The following RBL1 variants were observed in gnomAD, a reference collection of about 807,000 sequenced individuals.
RBL1 encodes RB transcriptional corepressor like 1, also known as retinoblastoma-like protein 1.
Under a neutral mutation model 123.0 loss-of-function variants are expected in RBL1, and 82 were observed. That is an observed-to-expected ratio of 0.67 (90% CI 0.56 to 0.80). RBL1 has a LOEUF of 0.80. Among genes scored for constraint, RBL1 ranks in the 30% least tolerant of loss-of-function variants. The probability of loss-of-function intolerance (pLI) is 0.00; values close to 1 mark genes in which losing one functional copy is unlikely to be tolerated. For synonymous variants in RBL1, 405 were observed against 441.3 expected (o/e 0.92, Z 1.03); for missense variants, 1,171 against 1,299.6 (o/e 0.90, Z 1.52).
At chr20:37,068,653 T>C (rs1030038299) in intron 2 of RBL1, among the ~76,000 whole-genome samples, 2 of 152,200 alleles carry the variant, frequency 1.3e-5, no homozygotes, top group Admixed American at 6.5e-5. Flanking sequence ...AGCACCTATC[T>C]ACTTCCTTTA....
At chr20:37,072,182 T>C (rs1434426631) in intron 2 of RBL1, among the ~76,000 whole-genome samples, 6 of 152,130 alleles carry the variant, frequency 3.9e-5, no homozygotes, top group Admixed American at 3.9e-4. Flanking sequence ...AAAATTTTGT[T>C]TTTTGGCCGG....
chr20:37,053,440 G>A (rs1364692109), intron 11 of RBL1, among the ~76,000 whole-genome samples: 1 of 152,186 alleles, frequency 6.6e-6, no homozygotes, highest in African/African-American at 2.4e-5. Context: ...AAGTGTGGGT[G>A]TGTGTGTGTC....
At chr20:37,044,630 C>T (rs576287875) in intron 12 of RBL1, among the ~76,000 whole-genome samples, 3 of 152,258 alleles carry the variant, frequency 2.0e-5, no homozygotes, top group South Asian at 2.1e-4. Context: ...TGAGCCACTG[C>T]GCCCGGCCAC....
chr20:37,065,634 A>T (rs967196415), intron 6 of RBL1, among the ~76,000 whole-genome samples, 161 bp from the exon 7 acceptor site: 3 of 151,382 alleles, frequency 2.0e-5, no homozygotes, highest in African/African-American at 7.2e-5. Flanking sequence ...GCATGCAAAT[A>T]ACTTTTTTTT....
At chr20:37,065,585 A>G (rs1479229893) in intron 6 of RBL1, 112 bp from the exon 7 acceptor site, 13 of 633,776 alleles carry the variant, frequency 2.1e-5, no homozygotes, top group Non-Finnish European at 3.1e-5. Context: ...ACAAAACAGA[A>G]TTATTAAATA....
chr20:37,063,351 C>A (rs2065126516), intron 7 of RBL1, among the ~76,000 whole-genome samples: 1 of 151,884 alleles, frequency 6.6e-6, no homozygotes. Context: ...CTGAGTAGCT[C>A]TTTTAAATGC....
chr20:37,013,041 G>C, intron 19 of RBL1, among the ~76,000 whole-genome samples: 1 of 152,146 alleles, frequency 6.6e-6, no homozygotes, highest in East Asian at 1.9e-4. Flanking sequence ...CCCCTACCGG[G>C]AAGTGAGGAG....
At chr20:37,017,307 A>T (rs1029905168) in intron 19 of RBL1, among the ~76,000 whole-genome samples, 2 of 151,874 alleles carry the variant, frequency 1.3e-5, no homozygotes, top group Non-Finnish European at 2.9e-5. Context: ...TGGGATGTCC[A>T]TGCTGCAGTG....
chr20:37,000,466 G>A (rs554584855), intron 21 of RBL1, among the ~76,000 whole-genome samples: 170 of 109,716 alleles, frequency 1.5e-3, no homozygotes, highest in South Asian at 3.1e-3. Flanking sequence ...GAGGGAGGTG[G>A]GGGGGGTCAG....
At chr20:37,094,810 A>AT (rs1382288551) in intron 1 of RBL1, among the ~76,000 whole-genome samples, 4 of 152,040 alleles carry the variant, frequency 2.6e-5, no homozygotes, top group South Asian at 2.1e-4. Context: ...TAGTTTTTGT[A>AT]TTTTTTTAGT....
chr20:37,067,766 C>CAAAAAAAAAAAAAAAAAAAAAAAAACAA (rs2065203165), intron 3 of RBL1, among the ~76,000 whole-genome samples: 1 of 62,686 alleles, frequency 1.6e-5, no homozygotes, highest in African/African-American at 5.3e-5. Context: ...TGAGACTCCT[C>CAAAAAAAAAAAAAAAAAAAAAAAAACAA]AAAAAAAAAA....
rs1266037741 is a variant in RBL1 at position 37,062,113 on chromosome 20, C to G, written c.1054G>C (p.Glu352Gln). The G allele has an allele frequency of 6.2e-7, 1 of 1,613,904 alleles. No individual in the cohort carries two copies. The highest frequency in any genetic ancestry group is 8.5e-7 in the Non-Finnish European group (1 of 1,179,976). The change falls in exon 8 of 22, where the codon GAG (glutamate) becomes CAG (glutamine). Residue 352 changes from glutamate (E) to glutamine (Q), a missense_variant. Coordinates refer to ENST00000373664, the MANE Select transcript of RBL1 (RefSeq NM_002895.5). ...TCAAAGTGCTGTTGAAGGTTATACT[C>G]CACATTAGCCTGTGCTGTCAGTTTC... is the stretch of plus-strand genomic sequence containing the variant. ...LGKLTAQANVEYNLQQHFEKK... is the reference protein window; with the variant it reads ...LGKLTAQANVQYNLQQHFEKK...
At chr20:37,049,733 A>C in intron 11 of RBL1, 1 of 598,668 alleles carries the variant, frequency 1.7e-6, no homozygotes, top group Non-Finnish European at 3.0e-6. Flanking sequence ...TAAAAGATAT[A>C]AACTAACATT....
In RBL1 at chr20:37,066,974, A is replaced by C. The variant is rs1351200456; in HGVS notation, c.685+19T>G. On this transcript the variant is annotated intron_variant, in intron 5 of 21. Transcript: ENST00000373664. ...CAAAAACTGATAATCAGTTTTCAAA[A>C]ATAAATAAAAGGTCTTACCTTTAAA... is the stretch of plus-strand genomic sequence containing the variant. 5.7e-6 allele frequency: 9 copies of C among 1,588,816 alleles called. No individual in the cohort carries two copies. The highest frequency in any genetic ancestry group is 7.7e-6 in the Non-Finnish European group (9 of 1,170,838).
intron 2 of RBL1, 115 bp from the exon 3 acceptor site, chr20:37,068,301 G>A: frequency 7.2e-7 from 1 of 1,395,898 alleles, no homozygotes; most frequent in Admixed American, 2.8e-5. Context: ...AGATTTCCCA[G>A]GCAACATAGT....
In RBL1 at chr20:37,022,646, T is replaced by G. The variant is rs2064359346; in HGVS notation, c.2559+4A>C. 2 of 1,603,666 alleles carry G rather than the reference T, an allele frequency of 1.2e-6. No individual in the cohort carries two copies. Among genetic ancestry groups the G allele is most frequent in the Non-Finnish European group, 8.5e-7 (1 of 1,174,160 alleles). On this transcript the variant is annotated splice_donor_region_variant and intron_variant, in intron 17 of 21. Coordinates refer to ENST00000373664, the MANE Select transcript of RBL1 (RefSeq NM_002895.5). ...CCAGCCTCTTCTCCCAATTTATACA[T>G]TACCTTTGCCATGATATAAAAGGCA...
At chr20:37,083,454 G>A (rs1366388320) in intron 2 of RBL1, among the ~76,000 whole-genome samples, 1 of 149,162 alleles carries the variant, frequency 6.7e-6, no homozygotes, top group African/African-American at 2.5e-5. Flanking sequence ...GGGTGACAAG[G>A]TGAGACCCTG....
chr20:37,056,920 T>C (rs1297207837), intron 9 of RBL1, among the ~76,000 whole-genome samples: 2 of 152,176 alleles, frequency 1.3e-5, no homozygotes, highest in East Asian at 1.9e-4. Flanking sequence ...GGTTCATCCA[T>C]GTTGTAGCAA....
intron 1 of RBL1, among the ~76,000 whole-genome samples, chr20:37,090,512 G>A (rs2065631263): frequency 6.6e-6 from 1 of 152,160 alleles, no homozygotes; most frequent in Non-Finnish European, 1.5e-5. Flanking sequence ...AGTTGGCAAG[G>A]GAGTCACACA....
Sources: gnomAD v4.1 joint callset for allele counts (sites outside exome capture counted in the v4.1 genomes callset) on GRCh38, gnomAD v4.1.1 for gene constraint, MANE v1.5 for transcripts, NCBI Gene and HGNC (gene_info 2026-07-23, HGNC 2026-07-21) for gene names.